Variants in CTBP2 observed in about 807,000 individuals in gnomAD.
The protein encoded by CTBP2 is C-terminal binding protein 2.
In CTBP2, 30 loss-of-function variants were observed where a neutral mutation model predicts 80.3. The observed-to-expected ratio is 0.37, with a 90% CI of 0.28 to 0.51. The LOEUF (loss-of-function observed/expected upper bound fraction) is 0.51, where lower values mean the gene tolerates loss of function less well. Among genes scored for constraint, CTBP2 ranks in the 20% least tolerant of loss-of-function variants. The pLI is 0.93. For synonymous variants in CTBP2, 594 were observed against 587.4 expected (o/e 1.01, Z -0.16); for missense variants, 1,212 against 1,375.3 (o/e 0.88, Z 1.88).
At position 125,159,203 on chromosome 10, in the gene CTBP2, C is replaced by T. The variant is rs1861489611; in HGVS notation, c.-206+1116G>A. Reference sequence around the variant, plus strand: ...AGGAACCGCGGCGGCCCGGCTGTCCCTGCGCCGCACCGGGTCCCTGCCGCC... The same window carrying T: ...AGGAACCGCGGCGGCCCGGCTGTCCTTGCGCCGCACCGGGTCCCTGCCGCC... On this transcript the variant is annotated intron_variant, in intron 1 of 10. Transcript: ENST00000337195. Among the ~76,000 whole-genome samples, 3 of 150,382 alleles carry T rather than the reference C, an allele frequency of 2.0e-5. No homozygotes were observed. In the South Asian group the frequency reaches 6.3e-4, roughly 31 times the overall value.
In CTBP2 at chr10:124,997,994, G is replaced by A. The variant is rs758677314; in HGVS notation, c.2155C>T (p.Arg719Cys). ...CCAATGAGGCCCAGCGTCTCCCCAC[G>A]GATGCGGGCCGCTCCCGAGGCCACC... Residue 719 changes from arginine (R) to cysteine (C), a missense_variant, in exon 4 of 9, where the codon CGT becomes TGT. Transcript: ENST00000309035. The A allele has an allele frequency of 4.3e-6, 7 of 1,612,796 alleles. No homozygotes were observed. Among genetic ancestry groups the A allele is most frequent in the South Asian group, 1.1e-5 (1 of 91,060 alleles).
At chr10:125,138,559 G>A (rs766584420) in intron 1 of CTBP2, among the ~76,000 whole-genome samples, 3 of 151,688 alleles carry the variant, frequency 2.0e-5, no homozygotes, top group East Asian at 3.9e-4. Context: ...AAGGAGGCTC[G>A]TGGATAATCA....
At chr10:125,128,001 T>C (rs1008819397) in intron 1 of CTBP2, among the ~76,000 whole-genome samples, 2 of 152,206 alleles carry the variant, frequency 1.3e-5, no homozygotes, top group African/African-American at 4.8e-5. Flanking sequence ...AACATTCTAG[T>C]AACCCTATAA....
chr10:125,039,069 T>G (rs1225058552), exon 3 of CTBP2: 1 of 1,611,090 alleles, frequency 6.2e-7, no homozygotes. Flanking sequence ...TATGGAACTT[T>G]GCAACTCTCA....
chr10:125,095,674 T>G (rs1343099917), intron 2 of CTBP2, among the ~76,000 whole-genome samples: 1 of 152,202 alleles, frequency 6.6e-6, no homozygotes, highest in Non-Finnish European at 1.5e-5. Context: ...TGATGACTTT[T>G]CGATGTTGGC....
chr10:124,994,892 G>A (rs1383773237), intron 4 of CTBP2, among the ~76,000 whole-genome samples: 1 of 152,266 alleles, frequency 6.6e-6, no homozygotes, highest in Non-Finnish European at 1.5e-5. Context: ...GAGGACCGCA[G>A]TGCTTGCTGC....
chr10:125,129,818 A>G (rs1266475646), intron 1 of CTBP2, among the ~76,000 whole-genome samples: 1 of 152,178 alleles, frequency 6.6e-6, no homozygotes, highest in Non-Finnish European at 1.5e-5. Flanking sequence ...CAAGTCTGCA[A>G]ACAGCACACG....
chr10:125,087,788 A>G (rs1190576992), intron 2 of CTBP2, among the ~76,000 whole-genome samples: 1 of 152,242 alleles, frequency 6.6e-6, no homozygotes, highest in Non-Finnish European at 1.5e-5. Flanking sequence ...AGCTCACAGC[A>G]TGTACATGCT....
intron 1 of CTBP2, among the ~76,000 whole-genome samples, chr10:125,143,066 A>G (rs1031558897): frequency 1.3e-5 from 2 of 151,968 alleles, no homozygotes; most frequent in Admixed American, 1.3e-4. Flanking sequence ...GAAATCCACC[A>G]CTGTTTTGCT....
At chr10:125,032,694 T>G (rs1958380774), upstream of CTBP2, 1 of 154,714 alleles carries the variant, frequency 6.5e-6, no homozygotes, top group Non-Finnish European at 1.5e-5. Context: ...TTTCATTTTG[T>G]TTGACACCCG....
intron 2 of CTBP2, among the ~76,000 whole-genome samples, chr10:125,079,843 G>A (rs1277904877): frequency 6.6e-6 from 1 of 152,178 alleles, no homozygotes; most frequent in African/African-American, 2.4e-5. Context: ...TTTAGAAATT[G>A]CAATCCTCTC....
At chr10:125,039,413 A>G (rs1959180028) in intron 2 of CTBP2, among the ~76,000 whole-genome samples, 1 of 152,244 alleles carries the variant, frequency 6.6e-6, no homozygotes, top group African/African-American at 2.4e-5. Context: ...GCAAATTCCA[A>G]CAGATCTCTT....
intron 2 of CTBP2, among the ~76,000 whole-genome samples, chr10:125,084,375 C>T (rs921655886): frequency 2.0e-5 from 3 of 152,154 alleles, no homozygotes; most frequent in Non-Finnish European, 2.9e-5. Flanking sequence ...ACAGCAGCCC[C>T]GTGGAAGGAA....
chr10:125,061,217 T>C (rs1350418691), intron 2 of CTBP2, among the ~76,000 whole-genome samples: 1 of 152,226 alleles, frequency 6.6e-6, no homozygotes, highest in Non-Finnish European at 1.5e-5. Context: ...GCAAACATCT[T>C]ATTTTCGTCT....
chr10:125,009,937 C>T (rs1471041074), intron 1 of CTBP2, among the ~76,000 whole-genome samples: 2 of 152,152 alleles, frequency 1.3e-5, no homozygotes, highest in East Asian at 1.9e-4. Context: ...TGTTCTAAAC[C>T]GTCAGACGTG....
intron 2 of CTBP2, among the ~76,000 whole-genome samples, chr10:125,053,150 G>A (rs954053230): frequency 2.6e-5 from 4 of 152,136 alleles, no homozygotes; most frequent in Non-Finnish European, 5.9e-5. Context: ...ATGAATCCAC[G>A]GGGCCACCGA....
At chr10:125,096,788 T>TGGGGGGGA (rs1849612555) in intron 2 of CTBP2, among the ~76,000 whole-genome samples, 1 of 45,818 alleles carries the variant, frequency 2.2e-5, no homozygotes, top group Non-Finnish European at 4.3e-5. Flanking sequence ...AATGGGGGGG[T>TGGGGGGGA]GGGGGGGAGA....
At chr10:125,044,786 G>A (rs553326515) in intron 2 of CTBP2, among the ~76,000 whole-genome samples, 1 of 152,282 alleles carries the variant, frequency 6.6e-6, no homozygotes, top group Admixed American at 6.5e-5. Flanking sequence ...CAACAGCAAA[G>A]CCAGATATAA....
At chr10:125,111,690 T>C (rs1470570448) in intron 1 of CTBP2, among the ~76,000 whole-genome samples, 1 of 152,188 alleles carries the variant, frequency 6.6e-6, no homozygotes, top group Non-Finnish European at 1.5e-5. Context: ...ACCGAGGTGA[T>C]GCATTAAACA....
Sources: allele counts gnomAD v4.1 joint callset (sites outside exome capture counted in the v4.1 genomes callset), GRCh38; gene constraint gnomAD v4.1.1; transcripts MANE v1.5; gene names NCBI Gene and HGNC (gene_info 2026-07-23, HGNC 2026-07-21).